AZIN2: variants seen among roughly 807,000 people sequenced by gnomAD.
The protein encoded by AZIN2 is ODC antizyme inhibitor-2.
AZIN2 carries 28 observed loss-of-function variants against 47.8 expected under a neutral mutation model. The ratio of observed to expected loss-of-function variants is 0.59; its 90% CI spans 0.43 to 0.80. AZIN2 has a LOEUF of 0.80. AZIN2 is among the 30% of genes least tolerant of loss of function. AZIN2 has a pLI of 0.00. For missense variants in AZIN2, 535 were observed against 582.5 expected, an observed-to-expected ratio of 0.92 and a Z score of 0.84; for synonymous variants, 221 against 239.4, an observed-to-expected ratio of 0.92 and a Z score of 0.71.
the AZIN2 span, among the ~76,000 whole-genome samples, chr1:33,156,242 A>G: frequency 6.6e-6 from 1 of 152,128 alleles, no homozygotes; most frequent in Admixed American, 6.5e-5. Flanking sequence ...TTCTATCATA[A>G]AAAACAGCAC....
the AZIN2 span, among the ~76,000 whole-genome samples, chr1:33,151,366 T>C: frequency 0.062 from 9,351 of 152,026 alleles, 396 homozygotes; most frequent in Non-Finnish European, 0.09. Context: ...CCCCAAGGGG[T>C]GAGGCTGGGG....
At chr1:33,149,458 T>TAAA in the AZIN2 span, among the ~76,000 whole-genome samples, 1 of 146,628 alleles carries the variant, frequency 6.8e-6, no homozygotes, top group Non-Finnish European at 1.5e-5. Flanking sequence ...TGGATTCTTT[T>TAAA]AAAAAAAAAA....
chr1:33,100,074 C>A (rs1643551288), intron 10 of AZIN2, among the ~76,000 whole-genome samples: 1 of 152,138 alleles, frequency 6.6e-6, no homozygotes. Flanking sequence ...GTAATCTCAG[C>A]ACTTTGGGAG....
In AZIN2 at chr1:33,084,038, C is replaced by T. The variant is rs148628180; in HGVS notation, c.190C>T (p.Arg64Trp). 43 of 1,614,006 alleles carry T rather than the reference C, an allele frequency of 2.7e-5. No homozygotes were observed. Among genetic ancestry groups the T allele is most frequent in the Admixed American group, 1.3e-4 (8 of 60,012 alleles). ...FCFLKCLPRV[R>W]PFYAVKCNSS... ...CTTTCTGAAGTGCCTGCCACGAGTC[C>T]GGCCCTTTTATGCTGTCAAGTGCAA... is the stretch of plus-strand genomic sequence containing the variant. The change falls in exon 5 of 12, where the codon CGG (arginine) becomes TGG (tryptophan). Residue 64 changes from arginine (R) to tryptophan (W), a missense_variant. By Grantham distance (101) the Arg-to-Trp change is moderately radical. This residue lies in a region of AZIN2 where 409 missense variants were observed against 429.0 expected (regional missense o/e 0.95). Transcript: ENST00000294517.
chr1:33,134,481 G>A, the AZIN2 span, among the ~76,000 whole-genome samples: 1 of 152,192 alleles, frequency 6.6e-6, no homozygotes, highest in Non-Finnish European at 1.5e-5. Context: ...CATTGGAAAA[G>A]GAGTAAATGG....
At chr1:33,147,986 G>A in the AZIN2 span, among the ~76,000 whole-genome samples, 1 of 152,220 alleles carries the variant, frequency 6.6e-6, no homozygotes, top group Non-Finnish European at 1.5e-5. This position sits in a 1 kb window ranked among gnomAD's most constrained non-coding sequence, Gnocchi z 8.1. Flanking sequence ...GATGCCCAGG[G>A]CGGAGCACAT....
rs1420286781 is a variant in AZIN2 at position 33,113,367 on chromosome 1, T to C, written c.1030-4535T>C. ...TTAATGCTTTCACTACTATTGTGAG[T>C]GAAAACTTTTCCCTGTGTTTTTGAG... On this transcript the variant is annotated intron_variant, in intron 10 of 11. Transcript: ENST00000294517. The surrounding 1 kb of genome is among the most constrained non-coding windows in gnomAD (Gnocchi z 4.1). Among the ~76,000 whole-genome samples, 1 of 152,198 alleles carries C rather than the reference T, an allele frequency of 6.6e-6. No individual in the cohort carries two copies. Among genetic ancestry groups the C allele is most frequent in the African/African-American group, 2.4e-5 (1 of 41,440 alleles).
chr1:33,148,587 G>C, the AZIN2 span, among the ~76,000 whole-genome samples: 6 of 152,160 alleles, frequency 3.9e-5, no homozygotes, highest in Admixed American at 2.6e-4. Flanking sequence ...GATTGTGGGT[G>C]AGCATCTACA....
chr1:33,135,579 AC>A, the AZIN2 span, among the ~76,000 whole-genome samples: 1 of 152,204 alleles, frequency 6.6e-6, no homozygotes, highest in East Asian at 1.9e-4. Context: ...CCTTGGTCTC[AC>A]ATTGGATCCT....
chr1:33,147,387 C>T, the AZIN2 span: 2 of 1,614,134 alleles, frequency 1.2e-6, no homozygotes, highest in Non-Finnish European at 1.7e-6. The surrounding 1 kb of genome is among the most constrained non-coding windows in gnomAD (Gnocchi z 8.1). Flanking sequence ...GGACGTTAAG[C>T]CGCGTCCAGG....
At chr1:33,148,993 T>C in the AZIN2 span, among the ~76,000 whole-genome samples, 1 of 152,098 alleles carries the variant, frequency 6.6e-6, no homozygotes, top group Admixed American at 6.6e-5. Flanking sequence ...CCCACTTAGG[T>C]CCAAAGCCTC....
chr1:33,093,319 C>G lies in AZIN2; in HGVS notation c.490C>G (p.Leu164Val). 6.2e-7 allele frequency: 1 copy of G among 1,614,070 alleles called. No individual in the cohort carries two copies. Among genetic ancestry groups the G allele is most frequent in the Non-Finnish European group, 8.5e-7 (1 of 1,179,980 alleles). The change falls in exon 7 of 12, where the codon CTG becomes GTG. Residue 164 changes from leucine (L) to valine (V), a missense_variant. Leu to Val is a conservative substitution (Grantham distance 32). Around this residue, in one of 3 missense-constraint regions of AZIN2, gnomAD observed 409 missense variants for 429.0 expected, o/e 0.95. Coordinates refer to ENST00000294517, the MANE Select transcript of AZIN2 (RefSeq NM_052998.4). ...LCIATDDSHS[L>V]SCLSLKFGVS... ...CATTGCTACCGATGACTCCCACTCC[C>G]TGAGCTGCCTGAGCCTAAAGTTTGG...
chr1:33,131,880 G>GT, the AZIN2 span, among the ~76,000 whole-genome samples: 11 of 150,096 alleles, frequency 7.3e-5, no homozygotes, highest in South Asian at 2.1e-4. Context: ...TGAAAGGTTT[G>GT]TTTTTTTTTC....
downstream of AZIN2, among the ~76,000 whole-genome samples, chr1:33,127,354 A>G (rs1644864244): frequency 6.6e-6 from 1 of 152,244 alleles, no homozygotes; most frequent in Non-Finnish European, 1.5e-5. Context: ...GAGCCACGCG[A>G]TGTCGCGCCC....
Position 33,098,183 on chromosome 1 carries a change from A to G in AZIN2, c.1029+4A>G. ...CCCTACCCCCATCCTGCAGAAGGTG[A>G]GCTTACCCCACGTGGGCCTGTTTTC... is the stretch of plus-strand genomic sequence containing the variant. On this transcript the variant is annotated splice_donor_region_variant and intron_variant, in intron 10 of 11. Transcript: ENST00000294517. 6.3e-7 allele frequency: 1 copy of G among 1,599,440 alleles called. No homozygotes were observed. The highest frequency in any genetic ancestry group is 1.1e-5 in the South Asian group (1 of 89,390).
rs148788627 is a variant in AZIN2 at position 33,099,991 on chromosome 1, TCCTTCCCAGGGACTTTGTGTTTAGA to T, written c.1029+1816_1029+1840del. ...GCATCTTTCTTTGCATACCTGCTCT[TCCTTCCCAGGGACTTTGTGTTTAGA>T]CCTGGGTATAAAAAGTTGTATGAGG... On this transcript the variant is annotated intron_variant, in intron 10 of 11. Transcript: ENST00000294517. Among the ~76,000 whole-genome samples, 538 of 152,276 alleles carry T rather than the reference TCCTTCCCAGGGACTTTGTGTTTAGA, an allele frequency of 3.5e-3. 19 individuals carry two copies. The East Asian group carries it at 0.092, about 26-fold the overall frequency.
chr1:33,145,895 A>T, the AZIN2 span: 3 of 471,136 alleles, frequency 6.4e-6, no homozygotes, highest in Non-Finnish European at 1.3e-5. Flanking sequence ...CCTTGCAGCC[A>T]AGGTTCTGGA....
At chr1:33,092,650 G>A (rs965973868) in intron 6 of AZIN2, among the ~76,000 whole-genome samples, 9 of 152,128 alleles carry the variant, frequency 5.9e-5, no homozygotes, top group South Asian at 2.1e-4. Flanking sequence ...AGTGAACTGC[G>A]TAAGCAAATG....
chr1:33,140,585 C>A, the AZIN2 span, among the ~76,000 whole-genome samples: 2 of 152,334 alleles, frequency 1.3e-5, no homozygotes, highest in East Asian at 3.9e-4. This position sits in a 1 kb window ranked among gnomAD's most constrained non-coding sequence, Gnocchi z 4.0. Flanking sequence ...TATCCCAGGG[C>A]TTTCTCTAGT....
Sources: gnomAD v4.1 joint callset for allele counts (sites outside exome capture counted in the v4.1 genomes callset) on GRCh38, gnomAD v4.1.1 for gene constraint, gnomAD v4.1.1 regional missense constraint, Gnocchi (gnomAD v3.1) non-coding constraint, MANE v1.5 for transcripts, NCBI Gene and HGNC (gene_info 2026-07-23, HGNC 2026-07-21) for gene names.